TRIM37: variants seen among roughly 807,000 people sequenced by gnomAD.
TRIM37 encodes the protein tripartite motif containing 37.
A neutral mutation model predicts 129.8 loss-of-function variants in TRIM37; 80 were observed. The observed-to-expected ratio is 0.62, with a 90% CI of 0.51 to 0.74. The LOEUF is 0.74. Ranked by LOEUF, TRIM37 falls within the 30% of genes least tolerant of loss-of-function variation. The pLI, the probability that TRIM37 is intolerant of heterozygous loss-of-function variation, is 0.00. For missense variants in TRIM37, 1,054 were observed against 1,176.5 expected (o/e 0.90, Z 1.52); for synonymous variants, 389 against 387.1 (o/e 1.00, Z -0.06).
chr17:59,105,905 CATAT>C (rs10590674), intron 1 of TRIM37, among the ~76,000 whole-genome samples: 47,540 of 151,882 alleles, frequency 0.31, 8,296 homozygotes, highest in Middle Eastern at 0.49. Context: ...ACATATCCTA[CATAT>C]CCCAACTATT....
At chr17:59,083,911 A>C in intron 5 of TRIM37, 91 bp downstream of exon 5, 1 of 1,022,800 alleles carries the variant, frequency 9.8e-7, no homozygotes, top group South Asian at 1.3e-5. Flanking sequence ...TCATTCTACG[A>C]GAGCATAATG....
chr17:59,046,234 A>G (rs2039781814), intron 16 of TRIM37, among the ~76,000 whole-genome samples: 1 of 152,200 alleles, frequency 6.6e-6, no homozygotes. Flanking sequence ...TAGGATATTT[A>G]CAGTCCCATA....
At chr17:58,996,755 T>A (rs1598780988), downstream of TRIM37, among the ~76,000 whole-genome samples, 1 of 144,008 alleles carries the variant, frequency 6.9e-6, no homozygotes, top group South Asian at 2.2e-4. Context: ...AGCAACAGAG[T>A]GAGACTCCAT....
At position 59,106,540 on chromosome 17, in the gene TRIM37, C is replaced by G; in HGVS notation, c.-79G>C. 6.4e-7 allele frequency: 1 copy of G among 1,568,526 alleles called. No individual in the cohort carries two copies. The highest frequency in any genetic ancestry group is 8.7e-7 in the Non-Finnish European group (1 of 1,146,978). ...CTCTTAGGCGCCGGCCCGAGGTCGC[C>G]AGATCAAATCGCCGATAAAAGCCCG... is the stretch of plus-strand genomic sequence containing the variant. On this transcript the variant is annotated 5_prime_UTR_variant, in exon 1 of 24. Coordinates refer to ENST00000262294, the MANE Select transcript of TRIM37 (RefSeq NM_015294.6).
intron 13 of TRIM37, among the ~76,000 whole-genome samples, chr17:59,056,495 C>A (rs551802017): frequency 2.6e-5 from 4 of 151,714 alleles, no homozygotes; most frequent in Admixed American, 2.6e-4. Context: ...TTTGGGAGGC[C>A]GAGGCGGGCG....
intron 19 of TRIM37, among the ~76,000 whole-genome samples, chr17:59,022,959 G>A (rs952369800): frequency 6.6e-6 from 1 of 152,108 alleles, no homozygotes; most frequent in African/African-American, 2.4e-5. Flanking sequence ...TTGTTGTACT[G>A]TACAGGTCCA....
At chr17:58,992,126 A>T in intron 24 of TRIM37, among the ~76,000 whole-genome samples, 1 of 151,842 alleles carries the variant, frequency 6.6e-6, no homozygotes, top group Admixed American at 6.6e-5. Context: ...TCAGAGTTTC[A>T]TTATGACAAA....
In TRIM37 at chr17:59,106,327, C is replaced by T. The variant is rs1278678026; in HGVS notation, c.21+114G>A. 4.0e-6 allele frequency: 5 copies of T among 1,258,842 alleles called. No individual in the cohort carries two copies. The East Asian group carries it at 1.2e-4, about 31-fold the overall frequency. 78.0% of individuals were successfully genotyped at this position (1,258,842 alleles called of 1,614,324 possible). ...ACCGGGCCAGCCCTCTCCACAGCGGCAGGGGCGGGGTAGGGGTGCCCTACT... is the reference window on the plus strand; with the variant it reads ...ACCGGGCCAGCCCTCTCCACAGCGGTAGGGGCGGGGTAGGGGTGCCCTACT... On this transcript the variant is annotated intron_variant, in intron 1 of 23. Transcript: ENST00000262294.
At chr17:58,982,785 G>A in exon 25 of TRIM37, 2 of 764,362 alleles carry the variant, frequency 2.6e-6, no homozygotes, top group South Asian at 2.1e-5. Context: ...AGTCAACATG[G>A]CCCCAACTAT....
intron 13 of TRIM37, among the ~76,000 whole-genome samples, chr17:59,053,942 C>G (rs1375235868): frequency 1.3e-5 from 2 of 151,718 alleles, no homozygotes; most frequent in African/African-American, 4.8e-5. Context: ...CTAAACAAAA[C>G]AAAACAATAA....
At chr17:59,019,178 T>C (rs2036286418) in intron 19 of TRIM37, among the ~76,000 whole-genome samples, 1 of 152,122 alleles carries the variant, frequency 6.6e-6, no homozygotes, top group Admixed American at 6.6e-5. Context: ...AAACCATATG[T>C]CCAAACAAAA....
intron 24 of TRIM37, among the ~76,000 whole-genome samples, chr17:58,991,285 C>T (rs1331326176): frequency 6.6e-6 from 1 of 151,870 alleles, no homozygotes; most frequent in Non-Finnish European, 1.5e-5. Flanking sequence ...CCTGTAATCC[C>T]AGCAATTTGG....
At position 59,069,296 on chromosome 17, in the gene TRIM37, G is replaced by A. The variant is rs377429708; in HGVS notation, c.809+1527C>T. ...CGGGAGGTGGAGGTTGCAGTGAGCC[G>A]AGATCACGCCACTGCATTCCAGCCT... On this transcript the variant is annotated intron_variant, in intron 9 of 23. Coordinates refer to ENST00000262294, the MANE Select transcript of TRIM37 (RefSeq NM_015294.6). 2.2e-4 allele frequency among the ~76,000 whole-genome samples: 33 copies of A among 151,984 alleles called. 1 individual carries two copies. In the South Asian group the frequency reaches 5.6e-3, roughly 26 times the overall value.
intron 4 of TRIM37, 85 bp downstream of exon 4, chr17:59,088,202 ATAAC>A (rs1374267552): frequency 1.2e-6 from 1 of 810,674 alleles, no homozygotes; most frequent in African/African-American, 1.7e-5. Flanking sequence ...TTATTCATAA[ATAAC>A]TAAAAGGCAA....
intron 24 of TRIM37, among the ~76,000 whole-genome samples, chr17:58,992,945 C>G (rs1022000392): frequency 6.6e-6 from 1 of 152,150 alleles, no homozygotes; most frequent in Non-Finnish European, 1.5e-5. Context: ...TTCTCTATTG[C>G]ACACCCAGCA....
At chr17:59,089,913 AAC>A (rs940074877) in intron 3 of TRIM37, 1 of 152,140 alleles carries the variant, frequency 6.6e-6, no homozygotes, top group Non-Finnish European at 1.5e-5. Context: ...CAGTTTGGCC[AAC>A]ACAGTGACAT....
chr17:58,999,309 T>C lies in TRIM37; in HGVS notation c.*68A>G. On this transcript the variant is annotated 3_prime_UTR_variant, in exon 24 of 24. Transcript: ENST00000262294. ...ATCTGATTATCTGACTGATGACAAA[T>C]TTGAGCACCAACTACAGCAAAATTC... 1 of 1,611,534 alleles carries C rather than the reference T, an allele frequency of 6.2e-7. No homozygotes were observed. Among genetic ancestry groups the C allele is most frequent in the Non-Finnish European group, 8.5e-7 (1 of 1,178,870 alleles).
At chr17:59,037,834 A>G (rs909307714) in intron 17 of TRIM37, among the ~76,000 whole-genome samples, 5 of 152,106 alleles carry the variant, frequency 3.3e-5, no homozygotes, top group Non-Finnish European at 5.9e-5. Context: ...TAGAGTACTG[A>G]AATACATTTA....
At position 58,999,381 on chromosome 17, in the gene TRIM37, C is replaced by T; in HGVS notation, c.2891G>A (p.Arg964Lys). 1 of 1,613,930 alleles carries T rather than the reference C, an allele frequency of 6.2e-7. No homozygotes were observed. The highest frequency in any genetic ancestry group is 8.5e-7 in the Non-Finnish European group (1 of 1,179,930). Residue 964 changes from arginine (R) to lysine (K), a missense_variant, in exon 24 of 24, where the codon AGG (arginine) becomes AAG (lysine). Transcript: ENST00000262294. ...LSFNTDENSG[R>K] ...TCAGTTCTCTTGATTTGGCAATTAC[C>T]TTCCACTATTTTCATCTGTATTGAA...
Sources: allele counts gnomAD v4.1 joint callset (sites outside exome capture counted in the v4.1 genomes callset), GRCh38; gene constraint gnomAD v4.1.1; transcripts MANE v1.5; gene names NCBI Gene and HGNC (gene_info 2026-07-23, HGNC 2026-07-21).